LALBA: variants seen among roughly 807,000 people sequenced by gnomAD.
LALBA encodes the protein lactalbumin alpha.
Under a neutral mutation model 13.4 loss-of-function variants are expected in LALBA, and 12 were observed. The ratio of observed to expected loss-of-function variants is 0.89; its 90% CI spans 0.57 to 1.45. LALBA has a LOEUF of 1.45. Ranked by LOEUF, LALBA falls within the 40% of genes most tolerant of loss-of-function variation. The pLI is 0.00. For synonymous variants in LALBA, 64 were observed against 61.0 expected, an observed-to-expected ratio of 1.05 and a Z score of -0.23; for missense variants, 145 against 165.9, an observed-to-expected ratio of 0.87 and a Z score of 0.69.
At position 48,567,799 on chromosome 12, in the gene LALBA, G is replaced by C. The variant is rs1938585634; in HGVS notation, c.*158C>G. 1.5e-6 allele frequency: 1 copy of C among 661,086 alleles called. No individual in the cohort carries two copies. Among genetic ancestry groups the C allele is most frequent in the African/African-American group, 1.8e-5 (1 of 55,376 alleles). The allele number at this position is 661,086 out of a possible 1,614,324, so 41.0% of individuals were successfully genotyped here. On this transcript the variant is annotated 3_prime_UTR_variant, in exon 4 of 4. Coordinates refer to ENST00000301046, the MANE Select transcript of LALBA (RefSeq NM_002289.3). The stretch of plus-strand genomic sequence containing the variant: ...CTCAGTGCACCACTCAGGCATCCCT[G>C]GAAAATAGTCTTCAAGAATTCGGTG...
chr12:48,569,086 A>G lies in LALBA; in HGVS notation c.288T>C (p.Cys96=), dbSNP rs2232566. ...AGGGTTATAGGGGCTACTCACTGTC[A>G]CAGGAGATGTCACAGATGTTCCTTG... ...PQSRNICDIS[C]DKFLDDDITD... The change falls in exon 2 of 4, where the codon TGT becomes TGC. Residue 96 remains cysteine, a synonymous_variant. Coordinates refer to ENST00000301046, the MANE Select transcript of LALBA (RefSeq NM_002289.3). The G allele has an allele frequency of 0.066, 106,350 of 1,609,074 alleles. 4,285 individuals carry two copies. Among genetic ancestry groups the G allele is most frequent in the African/African-American group, 0.19 (14,046 of 74,620 alleles).
At position 48,568,550 on chromosome 12, in the gene LALBA, T is replaced by C; in HGVS notation, c.335A>G (p.Lys112Arg). 1 of 1,600,420 alleles carries C rather than the reference T, an allele frequency of 6.2e-7. No homozygotes were observed. The highest frequency in any genetic ancestry group is 8.5e-7 in the Non-Finnish European group (1 of 1,169,676). The change falls in exon 3 of 4, where the codon AAG (lysine) becomes AGG (arginine). Residue 112 changes from lysine to arginine, a missense_variant. Coordinates refer to ENST00000301046, the MANE Select transcript of LALBA (RefSeq NM_002289.3). ...DDITDDIMCA[K>R]KILDIKGIDY... ...AATTCCTTTAATATCCAGGATCTTC[T>C]TGGCACACATTATGTCATCAGTAAT...
upstream of LALBA, among the ~76,000 whole-genome samples, chr12:48,571,831 A>G (rs1367663326): frequency 6.6e-6 from 1 of 152,148 alleles, no homozygotes; most frequent in Non-Finnish European, 1.5e-5. Flanking sequence ...ACCATGGATA[A>G]CCAGTATATG....
chr12:48,568,161 G>C, intron 3 of LALBA, 144 bp from the exon 4 acceptor site: 1 of 681,326 alleles, frequency 1.5e-6, no homozygotes, highest in South Asian at 1.7e-5. Context: ...CCATCAAGTG[G>C]AATACAGTCC....
upstream of LALBA, among the ~76,000 whole-genome samples, chr12:48,571,386 C>CTTTTTTTTTTTTTTTTTTTT (rs60444004): frequency 1.0e-5 from 1 of 98,056 alleles, no homozygotes; most frequent in African/African-American, 4.1e-5. Flanking sequence ...CTTCTTCTTC[C>CTTTTTTTTTTTTTTTTTTTT]TTTTTTTTTT....
In LALBA at chr12:48,569,883, C is replaced by T. The variant is rs776790138; in HGVS notation, c.133+5G>A. The T allele has an allele frequency of 2.5e-6, 4 of 1,613,564 alleles. No homozygotes were observed. In the South Asian group the frequency reaches 4.4e-5, roughly 18 times the overall value. On this transcript the variant is annotated splice_donor_5th_base_variant and intron_variant, in intron 1 of 3. Coordinates refer to ENST00000301046, the MANE Select transcript of LALBA (RefSeq NM_002289.3). ...ATGGATGAAACACAGAGGCAGGGAACTCACATTCAGGCAAAGCGATGCCTC... is the reference window on the plus strand; with the variant it reads ...ATGGATGAAACACAGAGGCAGGGAATTCACATTCAGGCAAAGCGATGCCTC...
intron 2 of LALBA, 114 bp downstream of exon 2, chr12:48,568,968 T>G: frequency 1.1e-6 from 1 of 935,246 alleles, no homozygotes; most frequent in Non-Finnish European, 1.6e-6. Context: ...CCCACAATTT[T>G]TATAGAGCCC....
chr12:48,568,720 A>C (rs1938596352), intron 2 of LALBA, 128 bp from the exon 3 acceptor site: 1 of 634,170 alleles, frequency 1.6e-6, no homozygotes, highest in Non-Finnish European at 2.8e-6. Flanking sequence ...GTCTTTCTAT[A>C]TGAAAGGACC....
Position 48,568,009 on chromosome 12 carries a change from T to C in LALBA, c.377A>G (p.His126Arg). The C allele has an allele frequency of 1.3e-6, 2 of 1,598,064 alleles. No homozygotes were observed. Among genetic ancestry groups the C allele is most frequent in the Non-Finnish European group, 8.5e-7 (1 of 1,172,220 alleles). Residue 126 changes from histidine to arginine, a missense_variant, in exon 4 of 4, where the codon CAT becomes CGT. Transcript: ENST00000301046. ...DIKGIDYWLA[H>R]KALCTEKLEQ... is the part of the protein sequence containing the mutation. ...CAGCTTCTCAGTGCAGAGGGCTTTA[T>C]GGGCCAACCTGATAATGGAGAAGGG... is the stretch of plus-strand genomic sequence containing the variant.
rs576026781 is a variant in LALBA at position 48,567,748 on chromosome 12, C to T, written c.*209G>A. ...ATCTGTGCTGTAGTGAAAGTGCCAT[C>T]GAAGGCACTGAGTAAGGGTCTAGAG... is the stretch of plus-strand genomic sequence containing the variant. On this transcript the variant is annotated 3_prime_UTR_variant, in exon 4 of 4. Transcript: ENST00000301046. The T allele has an allele frequency of 1.4e-4, 75 of 525,144 alleles. No individual in the cohort carries two copies. Among genetic ancestry groups the T allele is most frequent in the African/African-American group, 1.2e-3 (61 of 51,922 alleles). The allele number at this position is 525,144 out of a possible 1,614,324, so 32.5% of individuals were successfully genotyped here.
At chr12:48,570,786 C>A (rs561085044), upstream of LALBA, among the ~76,000 whole-genome samples, 3 of 151,982 alleles carry the variant, frequency 2.0e-5, no homozygotes, top group African/African-American at 7.2e-5. Context: ...AGCTCGAGAC[C>A]AGCCTGGGCA....
chr12:48,571,201 A>C (rs944496867), upstream of LALBA, among the ~76,000 whole-genome samples: 4 of 152,006 alleles, frequency 2.6e-5, no homozygotes, highest in Admixed American at 2.6e-4. Flanking sequence ...GAACAAGCTT[A>C]TGTCTGGAAT....
In LALBA at chr12:48,569,174, G is replaced by A. The variant is rs146052709; in HGVS notation, c.200C>T (p.Thr67Met). The A allele has an allele frequency of 2.5e-4, 407 of 1,613,246 alleles. No homozygotes were observed. Among genetic ancestry groups the A allele is most frequent in the Non-Finnish European group, 2.8e-4 (332 of 1,179,442 alleles). The change falls in exon 2 of 4, where the codon ACG (threonine) becomes ATG (methionine). Residue 67 changes from threonine (T) to methionine (M), a missense_variant. Transcript: ENST00000301046. ...ACTGATCTGGAAGAGTCCATATTCC[G>A]TGCTTTCATTGTTTTCAACTATGGC... is the stretch of plus-strand genomic sequence containing the variant. ...TQAIVENNES[T>M]EYGLFQISNK...
At chr12:48,570,118 A>G (rs946645589), upstream of LALBA, 6 of 1,300,568 alleles carry the variant, frequency 4.6e-6, no homozygotes, top group Non-Finnish European at 6.5e-6. Flanking sequence ...CAAGCCCTAC[A>G]TCTAGGAAGA....
At chr12:48,569,489 G>A (rs1008909307) in intron 1 of LALBA, among the ~76,000 whole-genome samples, 1 of 152,130 alleles carries the variant, frequency 6.6e-6, no homozygotes, top group Non-Finnish European at 1.5e-5. Flanking sequence ...TGAGGAGGGC[G>A]GATCACCTGA....
Position 48,567,939 on chromosome 12 carries a change from GC to G in LALBA, c.*17del. 6.3e-7 allele frequency: 1 copy of G among 1,599,598 alleles called. No individual in the cohort carries two copies. Among genetic ancestry groups the G allele is most frequent in the East Asian group, 2.2e-5 (1 of 44,690 alleles). On this transcript the variant is annotated 3_prime_UTR_variant, in exon 4 of 4. Coordinates refer to ENST00000301046, the MANE Select transcript of LALBA (RefSeq NM_002289.3). ...CCAGGAGTGTGGAGTGGGCAGGGGT[GC>G]CAAGGACAGCAGACACTCACAACTT...
upstream of LALBA, among the ~76,000 whole-genome samples, chr12:48,571,730 A>G (rs1372014292): frequency 3.3e-5 from 5 of 152,072 alleles, no homozygotes. Context: ...AATCTATTTA[A>G]GACTTACATA....
chr12:48,570,299 A>AGCCCTTTGTTTC (rs1173030077), upstream of LALBA, among the ~76,000 whole-genome samples: 1 of 152,122 alleles, frequency 6.6e-6, no homozygotes, highest in Non-Finnish European at 1.5e-5. Context: ...GGCTTTGTTT[A>AGCCCTTTGTTTC]GCCCTTTGTT....
rs1938613892 is a variant in LALBA, at chr12:48,569,971, A to G, written c.50T>C (p.Ile17Thr). The change falls in exon 1 of 4, where the codon ATC (isoleucine) becomes ACC (threonine). Residue 17 changes from isoleucine (I) to threonine (T), a missense_variant. Physicochemically the swap from Ile to Thr is moderately conservative, Grantham distance 89. Transcript: ENST00000301046. ...LFLVGILFPA[I>T]LAKQFTKCEL... is the part of the protein sequence containing the mutation. ...ACATTTTGTGAATTGCTTGGCCAGGATGGCAGGGAACAGGATGCCCACCAG... is the reference window on the plus strand; with the variant it reads ...ACATTTTGTGAATTGCTTGGCCAGGGTGGCAGGGAACAGGATGCCCACCAG... 1 of 1,614,078 alleles carries G rather than the reference A, an allele frequency of 6.2e-7. No homozygotes were observed. The highest frequency in any genetic ancestry group is 8.5e-7 in the Non-Finnish European group (1 of 1,179,994).
Sources: gnomAD v4.1 joint callset for allele counts (sites outside exome capture counted in the v4.1 genomes callset) on GRCh38, gnomAD v4.1.1 for gene constraint, MANE v1.5 for transcripts, NCBI Gene and HGNC (gene_info 2026-07-23, HGNC 2026-07-21) for gene names.